POU2F1: variants seen among roughly 807,000 people sequenced by gnomAD.
The protein encoded by POU2F1 is POU class 2 homeobox 1, also known as POU domain, class 2, transcription factor 1.
POU2F1 carries 16 observed loss-of-function variants against 84.9 expected under a neutral mutation model. The observed-to-expected ratio is 0.19, with a 90% CI of 0.13 to 0.29. POU2F1 has a LOEUF of 0.29. Ranked by LOEUF, POU2F1 falls within the 10% of genes least tolerant of loss-of-function variation. The probability of loss-of-function intolerance (pLI) is 1.00; values close to 1 mark genes in which losing one functional copy is unlikely to be tolerated. For synonymous variants in POU2F1, 368 were observed against 368.3 expected, an observed-to-expected ratio of 1.00 and a Z score of 0.01; for missense variants, 738 against 942.6, an observed-to-expected ratio of 0.78 and a Z score of 2.84.
At chr1:167,354,729 G>A (rs1384620186) in intron 2 of POU2F1, among the ~76,000 whole-genome samples, 2 of 152,160 alleles carry the variant, frequency 1.3e-5, no homozygotes, top group African/African-American at 4.8e-5. Flanking sequence ...CAATTTATCA[G>A]GTGTAAAATG....
intron 1 of POU2F1, among the ~76,000 whole-genome samples, chr1:167,294,203 G>A (rs1201266670): frequency 7.3e-6 from 1 of 136,790 alleles, no homozygotes; most frequent in African/African-American, 2.9e-5. Flanking sequence ...AAAAAAATTA[G>A]CCAGGTGTGG....
At chr1:167,317,228 T>C (rs1655969554) in intron 1 of POU2F1, among the ~76,000 whole-genome samples, 1 of 152,160 alleles carries the variant, frequency 6.6e-6, no homozygotes, top group Non-Finnish European at 1.5e-5. Context: ...TCAAGACAAA[T>C]TACTATATGG....
chr1:167,332,572 A>G, intron 2 of POU2F1, 37 bp downstream of exon 2: 2 of 1,501,254 alleles, frequency 1.3e-6, no homozygotes, highest in Non-Finnish European at 1.9e-6. Context: ...AATTAACTCT[A>G]GTAGAGCACA....
intron 13 of POU2F1, among the ~76,000 whole-genome samples, chr1:167,403,716 A>G (rs146311562): frequency 2.6e-5 from 4 of 152,216 alleles, no homozygotes; most frequent in East Asian, 3.9e-4. Flanking sequence ...TGGGATTTCT[A>G]TGATTGCTTA....
chr1:167,292,398 C>T (rs1456584228), intron 1 of POU2F1, among the ~76,000 whole-genome samples: 2 of 151,754 alleles, frequency 1.3e-5, no homozygotes, highest in Non-Finnish European at 2.9e-5. Context: ...CAGGTTTACT[C>T]TGCAGGACAC....
In POU2F1 at chr1:167,382,331, G is replaced by T. The variant is rs182122192; in HGVS notation, c.719-1526G>T. 5.6e-4 allele frequency among the ~76,000 whole-genome samples: 85 copies of T among 152,164 alleles called. 2 individuals carry two copies. The highest frequency in any genetic ancestry group is 1.9e-3 in the African/African-American group (78 of 41,498). On this transcript the variant is annotated intron_variant, in intron 7 of 15. Transcript: ENST00000367866. ...ACTGGTGAGGAAGGATGAGGGAGAG[G>T]TTACCACACCTAGAATCTGAAGACA... is the stretch of plus-strand genomic sequence containing the variant.
intron 2 of POU2F1, among the ~76,000 whole-genome samples, 174 bp from the exon 3 acceptor site, chr1:167,365,293 C>A (rs1480472609): frequency 6.6e-6 from 1 of 152,180 alleles, no homozygotes; most frequent in Admixed American, 6.5e-5. Flanking sequence ...TGCAGTCCTG[C>A]TTTTAGAAGA....
chr1:167,239,707 T>TTTA (rs917952638), intron 1 of POU2F1, among the ~76,000 whole-genome samples: 18 of 152,070 alleles, frequency 1.2e-4, no homozygotes, highest in African/African-American at 3.6e-4. Flanking sequence ...TAAGCTAGAG[T>TTTA]TTAGGTGCTT....
chr1:167,406,953 G>A (rs551182164), intron 13 of POU2F1, among the ~76,000 whole-genome samples: 1 of 151,892 alleles, frequency 6.6e-6, no homozygotes, highest in South Asian at 2.1e-4. Context: ...TGAGATATAT[G>A]TGCATCTCTC....
At chr1:167,303,408 C>T (rs1303011782) in intron 1 of POU2F1, 5 of 154,318 alleles carry the variant, frequency 3.2e-5, no homozygotes, top group Non-Finnish European at 7.3e-5. Flanking sequence ...ATTGTTCTCT[C>T]TTTAAGTGTT....
intron 1 of POU2F1, among the ~76,000 whole-genome samples, chr1:167,312,191 C>A (rs1292462538): frequency 1.3e-5 from 2 of 151,802 alleles, no homozygotes; most frequent in Non-Finnish European, 2.9e-5. Context: ...CCCCCTTGGC[C>A]TCCCAAAGTG....
chr1:167,332,941 T>C (rs1262427813), intron 2 of POU2F1, among the ~76,000 whole-genome samples: 1 of 152,200 alleles, frequency 6.6e-6, no homozygotes, highest in African/African-American at 2.4e-5. Flanking sequence ...GGAGATGATA[T>C]ATGTGGCATG....
chr1:167,333,735 T>A (rs1657230548), intron 2 of POU2F1, among the ~76,000 whole-genome samples: 1 of 152,212 alleles, frequency 6.6e-6, no homozygotes, highest in Non-Finnish European at 1.5e-5. Context: ...GTAGTATCTC[T>A]TAAGAAGGGA....
chr1:167,262,846 GA>G (rs993325849), intron 1 of POU2F1, among the ~76,000 whole-genome samples: 83 of 152,284 alleles, frequency 5.5e-4, no homozygotes, highest in African/African-American at 1.9e-3. Flanking sequence ...GGTAGAGGCA[GA>G]AAAAGCTGGC....
intron 1 of POU2F1, among the ~76,000 whole-genome samples, chr1:167,284,374 G>A (rs1653372812): frequency 6.6e-6 from 1 of 152,156 alleles, no homozygotes; most frequent in Non-Finnish European, 1.5e-5. Flanking sequence ...AGACCATGCT[G>A]CATCTCCTAC....
chr1:167,389,538 A>G (rs774406574), intron 8 of POU2F1, 50 bp from the exon 9 acceptor site: 4 of 1,602,298 alleles, frequency 2.5e-6, no homozygotes, highest in Non-Finnish European at 2.6e-6. Flanking sequence ...GAGTAAACCT[A>G]AATATCTCTT....
At chr1:167,408,485 A>T (rs1649740832) in intron 13 of POU2F1, among the ~76,000 whole-genome samples, 1 of 152,188 alleles carries the variant, frequency 6.6e-6, no homozygotes, top group Admixed American at 6.5e-5. Context: ...GAATGAATAA[A>T]CAAAATGTGT....
intron 1 of POU2F1, among the ~76,000 whole-genome samples, chr1:167,228,641 AT>A (rs779408705): frequency 6.6e-6 from 1 of 152,236 alleles, no homozygotes; most frequent in Non-Finnish European, 1.5e-5. Context: ...TTTAGGTCAG[AT>A]TATTAACCTG....
chr1:167,388,857 G>C lies in POU2F1; in HGVS notation c.814-731G>C, dbSNP rs773429091. On this transcript the variant is annotated intron_variant, in intron 8 of 15. Coordinates refer to ENST00000367866, the MANE Select transcript of POU2F1 (RefSeq NM_002697.4). ...ATAGGCTTAGAGAGTATGTGTGCCT[G>C]TGCTTGCATGCCTGTCTCCATCACC... is the stretch of plus-strand genomic sequence containing the variant. 7.0e-4 allele frequency among the ~76,000 whole-genome samples: 107 copies of C among 152,264 alleles called. 1 individual carries two copies. Among genetic ancestry groups the C allele is most frequent in the Admixed American group, 2.4e-3 (36 of 15,298 alleles).
Sources: gnomAD v4.1 joint callset for allele counts (sites outside exome capture counted in the v4.1 genomes callset) on GRCh38, gnomAD v4.1.1 for gene constraint, MANE v1.5 for transcripts, NCBI Gene and HGNC (gene_info 2026-07-23, HGNC 2026-07-21) for gene names.